Variants in ADGRB3 observed in about 807,000 individuals in gnomAD.
The protein encoded by ADGRB3 is adhesion G protein-coupled receptor B3.
A neutral mutation model predicts 193.4 loss-of-function variants in ADGRB3; 37 were observed. The observed-to-expected ratio is 0.19, with a 90% CI of 0.15 to 0.25. The LOEUF is 0.25. Ranked by LOEUF, ADGRB3 falls within the 10% of genes least tolerant of loss-of-function variation. ADGRB3 has a pLI of 1.00. For missense variants in ADGRB3, 1,637 were observed against 1,852.9 expected, an observed-to-expected ratio of 0.88 and a Z score of 2.14; for synonymous variants, 690 against 644.2, an observed-to-expected ratio of 1.07 and a Z score of -1.08.
intron 17 of ADGRB3, among the ~76,000 whole-genome samples, chr6:69,168,962 A>G (rs1478979826): frequency 1.3e-5 from 2 of 152,024 alleles, no homozygotes; most frequent in South Asian, 2.1e-4. Flanking sequence ...TTCTTGCTTT[A>G]TAATATTTAC....
chr6:68,885,110 ATGAT>A (rs771624745), intron 3 of ADGRB3, among the ~76,000 whole-genome samples: 3 of 152,186 alleles, frequency 2.0e-5, no homozygotes, highest in Non-Finnish European at 2.9e-5. Flanking sequence ...TGTGCAGAAA[ATGAT>A]TGGTCAGAGG....
rs1003525920 is a variant in ADGRB3 at position 68,637,486 on chromosome 6, AT to A, written c.-89del. The A allele has an allele frequency of 3.3e-5, 5 of 152,682 alleles. No individual in the cohort carries two copies. The highest frequency in any genetic ancestry group is 9.6e-5 in the African/African-American group (4 of 41,462). The allele number at this position is 152,682 out of a possible 1,614,324, so 9.5% of individuals were successfully genotyped here. On this transcript the variant is annotated 5_prime_UTR_variant, in exon 2 of 32. Coordinates refer to ENST00000370598, the MANE Select transcript of ADGRB3 (RefSeq NM_001704.3). ...TAAACAAACAAACAAAAGCAGTGTCATTTATTCTAAGAAATAACTTCTTAAA... is the reference window on the plus strand; with the variant it reads ...TAAACAAACAAACAAAAGCAGTGTCATTATTCTAAGAAATAACTTCTTAAA...
At chr6:69,294,164 G>T (rs919427126) in intron 20 of ADGRB3, among the ~76,000 whole-genome samples, 2 of 148,434 alleles carry the variant, frequency 1.3e-5, no homozygotes, top group African/African-American at 4.9e-5. Flanking sequence ...TATTCTGATT[G>T]ATATAGCTTG....
At chr6:68,976,809 A>G (rs1165464737) in intron 10 of ADGRB3, among the ~76,000 whole-genome samples, 1 of 152,068 alleles carries the variant, frequency 6.6e-6, no homozygotes, top group Non-Finnish European at 1.5e-5. Flanking sequence ...CAAAATCTGC[A>G]TGTAAGTGGA....
intron 17 of ADGRB3, among the ~76,000 whole-genome samples, chr6:69,141,574 C>G (rs1399950118): frequency 2.0e-5 from 3 of 151,742 alleles, no homozygotes; most frequent in Non-Finnish European, 4.4e-5. Flanking sequence ...TTGGAGGGTA[C>G]CTAGTGGGTA....
intron 20 of ADGRB3, among the ~76,000 whole-genome samples, chr6:69,300,610 T>G (rs998956576): frequency 1.3e-5 from 2 of 151,718 alleles, no homozygotes; most frequent in Non-Finnish European, 1.5e-5. Flanking sequence ...ATAAACAAAT[T>G]TAGTACAGTT....
chr6:69,189,583 CT>C (rs148366110), intron 17 of ADGRB3, among the ~76,000 whole-genome samples: 7,842 of 152,178 alleles, frequency 0.052, 291 homozygotes, highest in Non-Finnish European at 0.077. Flanking sequence ...CGAATTCCGT[CT>C]GGTAAAAATG....
At chr6:69,174,369 T>C (rs985000177) in intron 17 of ADGRB3, among the ~76,000 whole-genome samples, 1 of 152,226 alleles carries the variant, frequency 6.6e-6, no homozygotes, top group Non-Finnish European at 1.5e-5. Flanking sequence ...TCCCTGTTCC[T>C]GCATGAATTT....
intron 11 of ADGRB3, among the ~76,000 whole-genome samples, chr6:69,007,278 T>C (rs1157859175): frequency 6.6e-6 from 1 of 152,168 alleles, no homozygotes; most frequent in East Asian, 1.9e-4. Flanking sequence ...CTAACCTTCC[T>C]GTTTTTACTC....
At chr6:69,151,614 G>T (rs966775234) in intron 17 of ADGRB3, among the ~76,000 whole-genome samples, 1 of 152,104 alleles carries the variant, frequency 6.6e-6, no homozygotes, top group Admixed American at 6.5e-5. Context: ...GTAGATGGCT[G>T]TTAAATTCAG....
intron 3 of ADGRB3, among the ~76,000 whole-genome samples, chr6:68,845,861 AC>A (rs1316060962): frequency 6.6e-6 from 1 of 152,152 alleles, no homozygotes; most frequent in Non-Finnish European, 1.5e-5. Context: ...CTGAAAAGAT[AC>A]CCCAAAATGT....
intron 20 of ADGRB3, among the ~76,000 whole-genome samples, chr6:69,289,796 A>G (rs780290034): frequency 1.3e-5 from 2 of 150,854 alleles, no homozygotes; most frequent in African/African-American, 2.4e-5. Context: ...TGGTTTTCCA[A>G]TTGTGTTCAT....
At chr6:69,270,769 C>T (rs1767157647) in intron 20 of ADGRB3, among the ~76,000 whole-genome samples, 1 of 152,122 alleles carries the variant, frequency 6.6e-6, no homozygotes, top group Admixed American at 6.6e-5. Flanking sequence ...GACATTTTCC[C>T]CAGGTTCATT....
chr6:69,006,672 A>T (rs759645100), intron 11 of ADGRB3, among the ~76,000 whole-genome samples: 2 of 150,540 alleles, frequency 1.3e-5, no homozygotes. Flanking sequence ...TGCCTAGCTA[A>T]TTTTTTTTTA....
intron 11 of ADGRB3, among the ~76,000 whole-genome samples, chr6:68,998,145 A>G (rs1769447379): frequency 6.6e-6 from 1 of 152,194 alleles, no homozygotes; most frequent in African/African-American, 2.4e-5. Context: ...AGAATATTGT[A>G]TTCACCTTAA....
At chr6:69,232,489 G>C in intron 17 of ADGRB3, 1 of 1,534,734 alleles carries the variant, frequency 6.5e-7, no homozygotes, top group Non-Finnish European at 8.7e-7. Flanking sequence ...CTTTGGGGTG[G>C]GGTTATTCCT....
intron 15 of ADGRB3, among the ~76,000 whole-genome samples, chr6:69,060,512 T>G (rs1771717453): frequency 6.6e-6 from 1 of 152,070 alleles, no homozygotes; most frequent in South Asian, 2.1e-4. Context: ...ACATCTGTGT[T>G]TGTTTTCCAG....
chr6:68,957,262 A>G (rs1202430035), intron 8 of ADGRB3, among the ~76,000 whole-genome samples: 1 of 152,242 alleles, frequency 6.6e-6, no homozygotes, highest in African/African-American at 2.4e-5. Flanking sequence ...TTGCTAATGA[A>G]AAAATGAAAG....
At chr6:69,381,392 A>G (rs1486271256) in intron 30 of ADGRB3, among the ~76,000 whole-genome samples, 7 of 151,946 alleles carry the variant, frequency 4.6e-5, no homozygotes. Flanking sequence ...ATTCTCACAC[A>G]GCCAACTCCT....
Sources: allele counts gnomAD v4.1 joint callset (sites outside exome capture counted in the v4.1 genomes callset), GRCh38; gene constraint gnomAD v4.1.1; transcripts MANE v1.5; gene names NCBI Gene and HGNC (gene_info 2026-07-23, HGNC 2026-07-21).